The following PRKN variants were observed in gnomAD, a reference collection of about 807,000 sequenced individuals.
PRKN encodes parkin RBR E3 ubiquitin protein ligase.
Under a neutral mutation model 59.5 loss-of-function variants are expected in PRKN, and 56 were observed. The ratio of observed to expected loss-of-function variants is 0.94; its 90% CI spans 0.76 to 1.18. PRKN has a LOEUF of 1.18. Ranked by LOEUF, PRKN falls within the 50% of genes most tolerant of loss-of-function variation. PRKN has a pLI of 0.00. For missense variants in PRKN, 657 were observed against 596.4 expected (o/e 1.10, Z -1.06); for synonymous variants, 250 against 222.1 (o/e 1.13, Z -1.12).
Position 161,471,033 on chromosome 6 carries a change from A to T in PRKN, c.1083+77821T>A, listed in dbSNP as rs1253985474. ...GTACTCCTTAAGGTAAGAGGATAGCATGTATTTTATTTAACAGCTTGCTAG... is the reference window on the plus strand; with the variant it reads ...GTACTCCTTAAGGTAAGAGGATAGCTTGTATTTTATTTAACAGCTTGCTAG... On this transcript the variant is annotated intron_variant, in intron 9 of 11. Transcript: ENST00000366898. This position sits in a 1 kb window ranked among gnomAD's most constrained non-coding sequence, Gnocchi z 4.5. 6.6e-6 allele frequency among the ~76,000 whole-genome samples: 1 copy of T among 152,208 alleles called. No homozygotes were observed. The highest frequency in any genetic ancestry group is 2.4e-5 in the African/African-American group (1 of 41,446).
At chr6:161,872,500 C>T (rs937844630) in intron 6 of PRKN, among the ~76,000 whole-genome samples, 1 of 152,122 alleles carries the variant, frequency 6.6e-6, no homozygotes, top group African/African-American at 2.4e-5. Flanking sequence ...TACCTCATAG[C>T]CAGCATCAGG....
intron 2 of PRKN, among the ~76,000 whole-genome samples, chr6:162,283,203 G>A (rs1780999156): frequency 6.6e-6 from 1 of 152,014 alleles, no homozygotes; most frequent in African/African-American, 2.4e-5. Context: ...GAACAGTTGG[G>A]AGCCACTCAC....
intron 6 of PRKN, among the ~76,000 whole-genome samples, chr6:161,873,842 T>C (rs942037767): frequency 7.0e-6 from 1 of 143,806 alleles, no homozygotes; most frequent in Non-Finnish European, 1.5e-5. Flanking sequence ...CTAAACAATA[T>C]ATTTAAGACT....
rs542256084 is a variant in PRKN at position 161,579,627 on chromosome 6, A to G, written c.872-10211T>C. ...AAATCATATCCAAAACCAGTATTAA[A>G]TAAATATAAGTCATCGGACTTTAGG... On this transcript the variant is annotated intron_variant, in intron 7 of 11. Coordinates refer to ENST00000366898, the MANE Select transcript of PRKN (RefSeq NM_004562.3). This position sits in a 1 kb window ranked among gnomAD's most constrained non-coding sequence, Gnocchi z 4.2. 6.6e-6 allele frequency among the ~76,000 whole-genome samples: 1 copy of G among 152,290 alleles called. No individual in the cohort carries two copies. Among genetic ancestry groups the G allele is most frequent in the East Asian group, 1.9e-4 (1 of 5,186 alleles).
chr6:161,967,888 T>A (rs1271429512), intron 6 of PRKN, among the ~76,000 whole-genome samples: 1 of 152,136 alleles, frequency 6.6e-6, no homozygotes, highest in African/African-American at 2.4e-5. Flanking sequence ...TTACATAAGA[T>A]AAGGTGAACA....
intron 5 of PRKN, among the ~76,000 whole-genome samples, chr6:161,974,755 A>T (rs1309864414): frequency 6.6e-6 from 1 of 152,138 alleles, no homozygotes; most frequent in Non-Finnish European, 1.5e-5. Context: ...GCGTTTAACT[A>T]CCTGAAATGT....
At chr6:161,943,029 C>T (rs1157713973) in intron 6 of PRKN, among the ~76,000 whole-genome samples, 1 of 152,176 alleles carries the variant, frequency 6.6e-6, no homozygotes, top group East Asian at 1.9e-4. Flanking sequence ...AAAAGAACTG[C>T]TACTTACTTC....
intron 1 of PRKN, among the ~76,000 whole-genome samples, chr6:162,690,452 A>C (rs962511876): frequency 2.0e-5 from 3 of 152,190 alleles, no homozygotes; most frequent in African/African-American, 7.2e-5. Flanking sequence ...CTCCACATGA[A>C]TGCATCAAGG....
chr6:161,764,430 C>G (rs954697835), intron 7 of PRKN, among the ~76,000 whole-genome samples: 5 of 152,254 alleles, frequency 3.3e-5, no homozygotes, highest in African/African-American at 1.2e-4. Context: ...ATTGTAGAGG[C>G]CTATGCAACC....
chr6:162,253,279 A>AAATCTAATCT (rs56965676), intron 3 of PRKN, among the ~76,000 whole-genome samples: 27,838 of 149,406 alleles, frequency 0.19, 2,896 homozygotes, highest in East Asian at 0.4. Flanking sequence ...AACAGGCAAC[A>AAATCTAATCT]AATCTAATCT....
At chr6:161,997,922 TGTGTCCTAAAATACAG>T (rs1327332573) in intron 5 of PRKN, among the ~76,000 whole-genome samples, 1 of 152,116 alleles carries the variant, frequency 6.6e-6, no homozygotes, top group Non-Finnish European at 1.5e-5. Context: ...TGGCTGGACC[TGTGTCCTAAAATACAG>T]GAGCCAGGTA....
At chr6:162,510,793 T>G (rs967957594) in intron 1 of PRKN, among the ~76,000 whole-genome samples, 9 of 151,912 alleles carry the variant, frequency 5.9e-5, no homozygotes, top group South Asian at 2.1e-4. Flanking sequence ...TGTGGTGGTA[T>G]GCGCCTGTAA....
intron 1 of PRKN, among the ~76,000 whole-genome samples, chr6:162,612,171 A>C (rs761365587): frequency 1.5e-4 from 18 of 118,936 alleles, no homozygotes; most frequent in Non-Finnish European, 2.5e-4. Context: ...CCAGCCTCGG[A>C]GACAGAGTGA....
chr6:162,377,237 A>G (rs1233891827), intron 2 of PRKN, among the ~76,000 whole-genome samples: 1 of 152,186 alleles, frequency 6.6e-6, no homozygotes, highest in Non-Finnish European at 1.5e-5. Flanking sequence ...AAATCTGCAG[A>G]CTGGTAGGCT....
intron 9 of PRKN, among the ~76,000 whole-genome samples, chr6:161,492,517 G>T (rs557560122): frequency 2.4e-4 from 37 of 152,372 alleles, no homozygotes; most frequent in South Asian, 4.1e-4. Flanking sequence ...CTGAAGACCA[G>T]AACTGCTAAA....
At chr6:161,945,837 G>GT (rs1779756696) in intron 6 of PRKN, among the ~76,000 whole-genome samples, 1 of 152,172 alleles carries the variant, frequency 6.6e-6, no homozygotes, top group Non-Finnish European at 1.5e-5. Context: ...CTCACAATAT[G>GT]TGTCACACCC....
intron 7 of PRKN, among the ~76,000 whole-genome samples, chr6:161,587,504 CA>C (rs755732901): frequency 2.6e-4 from 40 of 152,148 alleles, no homozygotes; most frequent in Admixed American, 5.2e-4. Flanking sequence ...ATAAATAAAG[CA>C]AAGCCTGTTT....
At chr6:162,170,538 A>C (rs1248171512) in intron 4 of PRKN, among the ~76,000 whole-genome samples, 1 of 152,226 alleles carries the variant, frequency 6.6e-6, no homozygotes, top group Non-Finnish European at 1.5e-5. Flanking sequence ...TTTTCCCCTA[A>C]TAAATTCTAC....
intron 6 of PRKN, among the ~76,000 whole-genome samples, chr6:161,926,895 G>A (rs561972198): frequency 1.3e-5 from 2 of 152,238 alleles, no homozygotes; most frequent in East Asian, 1.9e-4. Flanking sequence ...TCTAGCAGAG[G>A]CAAATAAATT....
Sources: gnomAD v4.1 joint callset for allele counts (sites outside exome capture counted in the v4.1 genomes callset) on GRCh38, gnomAD v4.1.1 for gene constraint, Gnocchi (gnomAD v3.1) non-coding constraint, MANE v1.5 for transcripts, NCBI Gene and HGNC (gene_info 2026-07-23, HGNC 2026-07-21) for gene names.